PRKCE: variants seen among roughly 807,000 people sequenced by gnomAD.
The protein encoded by PRKCE is protein kinase C epsilon type.
A neutral mutation model predicts 85.4 loss-of-function variants in PRKCE; 16 were observed. The ratio of observed to expected loss-of-function variants is 0.19; its 90% confidence interval spans 0.13 to 0.28. PRKCE has a LOEUF of 0.28. Among genes scored for constraint, PRKCE ranks in the 10% least tolerant of loss-of-function variants. The pLI is 1.00. For synonymous variants in PRKCE, 388 were observed against 371.5 expected (o/e 1.04, Z -0.51); for missense variants, 573 against 975.2 (o/e 0.59, Z 5.49).
intron 6 of PRKCE, among the ~76,000 whole-genome samples, chr2:45,998,344 C>G (rs1041520411): frequency 2.0e-5 from 3 of 152,204 alleles, no homozygotes; most frequent in Admixed American, 2.0e-4. Context: ...TTTTGCCTCA[C>G]TTACTTTGAT....
At chr2:45,965,120 C>T (rs1357244418) in intron 2 of PRKCE, among the ~76,000 whole-genome samples, 1 of 152,328 alleles carries the variant, frequency 6.6e-6, no homozygotes, top group South Asian at 2.1e-4. Context: ...TTGTGTGCCT[C>T]TCTGGGAAGA....
chr2:45,920,157 CTCAA>C (rs1389947733), intron 2 of PRKCE, among the ~76,000 whole-genome samples: 2 of 152,244 alleles, frequency 1.3e-5, no homozygotes, highest in Non-Finnish European at 2.9e-5. Context: ...TGAATAATCT[CTCAA>C]TCAAACTCCT....
intron 10 of PRKCE, among the ~76,000 whole-genome samples, chr2:46,034,643 G>A (rs974723317): frequency 3.9e-5 from 6 of 152,194 alleles, no homozygotes; most frequent in African/African-American, 7.2e-5. Flanking sequence ...GGAGCACGCC[G>A]AGGCCATGGG....
At chr2:45,694,872 G>A (rs975095174) in intron 1 of PRKCE, among the ~76,000 whole-genome samples, 1 of 152,192 alleles carries the variant, frequency 6.6e-6, no homozygotes, top group South Asian at 2.1e-4. Context: ...AGGCTGAGTA[G>A]TGTGGGCTTT....
intron 1 of PRKCE, among the ~76,000 whole-genome samples, chr2:45,751,563 C>T (rs1683562987): frequency 6.6e-6 from 1 of 152,072 alleles, no homozygotes; most frequent in Admixed American, 6.5e-5. Context: ...TCAAAAAAGT[C>T]AAGTCTCTGA....
chr2:45,849,239 G>A (rs1260053610), intron 2 of PRKCE, among the ~76,000 whole-genome samples: 1 of 152,170 alleles, frequency 6.6e-6, no homozygotes, highest in Non-Finnish European at 1.5e-5. Flanking sequence ...ACAATGGGAA[G>A]GAGTGTTCTA....
intron 2 of PRKCE, among the ~76,000 whole-genome samples, chr2:45,942,774 T>C (rs1007873375): frequency 3.9e-5 from 6 of 152,244 alleles, no homozygotes; most frequent in African/African-American, 1.2e-4. Flanking sequence ...AAATGAATTA[T>C]AATGCATTAT....
intron 2 of PRKCE, among the ~76,000 whole-genome samples, chr2:45,921,541 C>G (rs1003773253): frequency 2.6e-5 from 4 of 152,202 alleles, no homozygotes; most frequent in Non-Finnish European, 5.9e-5. Context: ...GCTTAGAAAG[C>G]TCAGTTACAG....
At chr2:45,795,368 G>A (rs1392200457) in intron 1 of PRKCE, among the ~76,000 whole-genome samples, 1 of 152,052 alleles carries the variant, frequency 6.6e-6, no homozygotes, top group Non-Finnish European at 1.5e-5. Flanking sequence ...GAGTGCAGTG[G>A]CGTGATCTCA....
intron 1 of PRKCE, among the ~76,000 whole-genome samples, chr2:45,695,635 TG>T (rs1244289887): frequency 6.6e-6 from 1 of 152,160 alleles, no homozygotes; most frequent in Non-Finnish European, 1.5e-5. Context: ...TAGCCGGGTG[TG>T]ATGGTATGTG....
chr2:46,016,424 A>G (rs1316587000), intron 10 of PRKCE, among the ~76,000 whole-genome samples: 1 of 152,170 alleles, frequency 6.6e-6, no homozygotes, highest in Non-Finnish European at 1.5e-5. Context: ...GAGCAAGACA[A>G]CTTCACCCAG....
chr2:45,687,303 A>C (rs938549657), intron 1 of PRKCE, among the ~76,000 whole-genome samples: 1 of 152,242 alleles, frequency 6.6e-6, no homozygotes, highest in Non-Finnish European at 1.5e-5. Context: ...AATGGAATAA[A>C]GGTATAAACA....
chr2:45,993,287 A>G (rs751849037), intron 6 of PRKCE, among the ~76,000 whole-genome samples: 1 of 152,192 alleles, frequency 6.6e-6, no homozygotes, highest in Non-Finnish European at 1.5e-5. Context: ...CCAGGAGCCC[A>G]TCTTGCTCCC....
intron 10 of PRKCE, among the ~76,000 whole-genome samples, chr2:46,018,224 G>C (rs527260666): frequency 6.6e-6 from 1 of 152,218 alleles, no homozygotes. Context: ...AGTAGGATGA[G>C]GCCCTCACAC....
chr2:45,804,367 A>G (rs1688090313), intron 1 of PRKCE, among the ~76,000 whole-genome samples: 1 of 152,050 alleles, frequency 6.6e-6, no homozygotes, highest in African/African-American at 2.4e-5. Context: ...CCCCATCCCT[A>G]CCGACCTGAA....
chr2:45,935,068 C>CACACACACAG, intron 2 of PRKCE, among the ~76,000 whole-genome samples: 1 of 41,184 alleles, frequency 2.4e-5, no homozygotes, highest in Non-Finnish European at 5.9e-5. Context: ...CTCTCTCTCT[C>CACACACACAG]ACACACACAC....
At chr2:45,873,593 C>G (rs1411742342) in intron 2 of PRKCE, among the ~76,000 whole-genome samples, 1 of 152,200 alleles carries the variant, frequency 6.6e-6, no homozygotes, top group East Asian at 1.9e-4. Flanking sequence ...ATCCTGTATT[C>G]CTTTTTGTGT....
At chr2:45,825,950 A>G (rs1370967267) in intron 1 of PRKCE, among the ~76,000 whole-genome samples, 4 of 152,124 alleles carry the variant, frequency 2.6e-5, no homozygotes, top group African/African-American at 4.8e-5. Context: ...GGGATGATAG[A>G]CTTAGGTTTT....
At chr2:46,084,854 G>A (rs1476178082) in intron 10 of PRKCE, among the ~76,000 whole-genome samples, 2 of 151,724 alleles carry the variant, frequency 1.3e-5, no homozygotes, top group African/African-American at 2.4e-5. Context: ...CCGTTCCCAT[G>A]TCCTGGCATT....
Sources: gnomAD v4.1 joint callset for allele counts (sites outside exome capture counted in the v4.1 genomes callset) on GRCh38, gnomAD v4.1.1 for gene constraint, MANE v1.5 for transcripts, NCBI Gene and HGNC (gene_info 2026-07-23, HGNC 2026-07-21) for gene names.